LCORL: variants seen among roughly 807,000 people sequenced by gnomAD.
LCORL encodes ligand dependent nuclear receptor corepressor like.
In LCORL, 41 loss-of-function variants were observed where a neutral mutation model predicts 141.8. That is an observed-to-expected ratio of 0.29 (90% confidence interval 0.23 to 0.38). The LOEUF is 0.38. LCORL is among the 10% of genes least tolerant of loss of function. LCORL has a pLI of 1.00. For missense variants in LCORL, 1,759 were observed against 2,035.0 expected (o/e 0.86, Z 2.61); for synonymous variants, 618 against 694.1 (o/e 0.89, Z 1.72).
chr4:17,921,296 G>T (rs2109373806), intron 4 of LCORL, among the ~76,000 whole-genome samples: 1 of 152,194 alleles, frequency 6.6e-6, no homozygotes, highest in East Asian at 1.9e-4. Flanking sequence ...CCAAAGTGCT[G>T]AGATTACAGG....
At chr4:17,948,543 G>A (rs955321992) in intron 4 of LCORL, among the ~76,000 whole-genome samples, 3 of 151,976 alleles carry the variant, frequency 2.0e-5, no homozygotes, top group Admixed American at 1.3e-4. Flanking sequence ...GGTTGTATCT[G>A]GAAGTTGATA....
intron 2 of LCORL, among the ~76,000 whole-genome samples, chr4:17,972,180 AG>A (rs1560423802): frequency 6.6e-6 from 1 of 151,882 alleles, no homozygotes; most frequent in Non-Finnish European, 1.5e-5. Flanking sequence ...CAGTAAAACT[AG>A]AAAAAATTAA....
intron 5 of LCORL, chr4:17,893,565 G>A: frequency 1.0e-6 from 1 of 985,172 alleles, no homozygotes. Context: ...ACTGAACACA[G>A]GAGCACCTGC....
intron 1 of LCORL, among the ~76,000 whole-genome samples, chr4:18,016,650 A>G (rs562812282): frequency 6.6e-6 from 1 of 152,182 alleles, no homozygotes; most frequent in Non-Finnish European, 1.5e-5. Flanking sequence ...TGAAAAATAT[A>G]AACTAACTCA....
chr4:17,848,072 G>A (rs991156689), intron 7 of LCORL, among the ~76,000 whole-genome samples: 22 of 151,990 alleles, frequency 1.4e-4, no homozygotes, highest in African/African-American at 4.8e-4. Context: ...AACATACGGC[G>A]GTTTTCTTAA....
chr4:17,999,144 T>C (rs1254427925), intron 1 of LCORL, among the ~76,000 whole-genome samples: 3 of 150,802 alleles, frequency 2.0e-5, no homozygotes, highest in African/African-American at 7.3e-5. Context: ...CTAGCATTAC[T>C]ACAAACACGT....
At chr4:17,892,313 A>G (rs1729233744) in intron 5 of LCORL, among the ~76,000 whole-genome samples, 1 of 147,142 alleles carries the variant, frequency 6.8e-6, no homozygotes. Flanking sequence ...GGTTCGAGTG[A>G]TTCTCCTGCC....
At chr4:17,882,439 C>A (rs1577319487) in intron 6 of LCORL, 1 of 984,610 alleles carries the variant, frequency 1.0e-6, no homozygotes, top group South Asian at 4.7e-5. Context: ...GATACTTTGA[C>A]CCATATTTTA....
At chr4:17,959,987 T>C (rs779281938) in intron 4 of LCORL, among the ~76,000 whole-genome samples, 26 of 152,146 alleles carry the variant, frequency 1.7e-4, no homozygotes, top group Admixed American at 1.0e-3. Flanking sequence ...TAAAAGATAT[T>C]GTTACTATCT....
At chr4:17,912,471 G>A in intron 4 of LCORL, 1 of 545,288 alleles carries the variant, frequency 1.8e-6, no homozygotes, top group African/African-American at 1.9e-5. Flanking sequence ...ACGATGAGCT[G>A]GCTCAGAAGA....
At chr4:17,897,298 A>AT (rs1730132183) in intron 5 of LCORL, among the ~76,000 whole-genome samples, 1 of 103,594 alleles carries the variant, frequency 9.7e-6, no homozygotes, top group African/African-American at 4.1e-5. Context: ...TAGTGGCTCT[A>AT]TTTTTAGTTT....
At chr4:17,952,637 G>A (rs1293432709) in intron 4 of LCORL, among the ~76,000 whole-genome samples, 3 of 152,006 alleles carry the variant, frequency 2.0e-5, no homozygotes, top group Non-Finnish European at 2.9e-5. Context: ...GGATGGTCTC[G>A]ATCTCCTGAC....
In LCORL at chr4:18,018,114, G is replaced by C. The variant is rs552860709; in HGVS notation, c.154+3484C>G. ...AAATATTGGCCAGTCTCCCAGATCA[G>C]ATATCCTAATGGACTATACAAGTCC... is the stretch of plus-strand genomic sequence containing the variant. On this transcript the variant is annotated intron_variant, in intron 1 of 7. Coordinates refer to ENST00000635767, the Ensembl canonical transcript of LCORL. Among the ~76,000 whole-genome samples the C allele has an allele frequency of 1.4e-4, 21 of 152,176 alleles. No homozygotes were observed. The South Asian group carries it at 4.2e-3, about 30-fold the overall frequency.
chr4:17,920,324 A>G (rs1734086931), intron 4 of LCORL, among the ~76,000 whole-genome samples: 1 of 152,212 alleles, frequency 6.6e-6, no homozygotes. Flanking sequence ...TAGAGGAAAA[A>G]ACGCAGACAT....
intron 5 of LCORL, among the ~76,000 whole-genome samples, chr4:17,907,098 C>T (rs1731762039): frequency 6.6e-6 from 1 of 152,212 alleles, no homozygotes; most frequent in South Asian, 2.1e-4. Flanking sequence ...TCTTTCTTAT[C>T]TAGACCTGAA....
exon 7 of LCORL, chr4:17,875,188 G>C (rs1726787937): frequency 1.6e-6 from 2 of 1,231,676 alleles, no homozygotes; most frequent in Non-Finnish European, 1.0e-6. Flanking sequence ...TCTCTTTCCT[G>C]AGGTGAAGTT....
chr4:17,939,894 A>ACACACACACACACG (rs1491141349), intron 4 of LCORL, among the ~76,000 whole-genome samples: 2 of 150,786 alleles, frequency 1.3e-5, no homozygotes, highest in African/African-American at 4.9e-5. Context: ...ACACACACAC[A>ACACACACACACACG]TATATGTATA....
At chr4:17,945,362 T>C (rs995791234) in intron 4 of LCORL, among the ~76,000 whole-genome samples, 1 of 151,452 alleles carries the variant, frequency 6.6e-6, no homozygotes, top group Admixed American at 6.6e-5. Context: ...TTTTATAAAA[T>C]AGTTGAGATG....
intron 7 of LCORL, among the ~76,000 whole-genome samples, chr4:17,847,633 A>G (rs1367100912): frequency 1.3e-5 from 2 of 152,246 alleles, no homozygotes; most frequent in Non-Finnish European, 2.9e-5. Context: ...TGTGACAAAG[A>G]GATCCAAAGT....
Sources: allele counts gnomAD v4.1 joint callset (sites outside exome capture counted in the v4.1 genomes callset), GRCh38; gene constraint gnomAD v4.1.1; transcripts MANE v1.5; gene names NCBI Gene and HGNC (gene_info 2026-07-23, HGNC 2026-07-21).